Variants in SESTD1 observed in about 807,000 individuals in gnomAD.
SESTD1 encodes the protein SEC14 domain and spectrin repeat-containing protein 1.
Under a neutral mutation model 101.7 loss-of-function variants are expected in SESTD1, and 43 were observed. The ratio of observed to expected loss-of-function variants is 0.42; its 90% CI spans 0.33 to 0.55. The LOEUF is 0.55. Ranked by LOEUF, SESTD1 falls within the 20% of genes least tolerant of loss-of-function variation. The pLI, the probability that SESTD1 is intolerant of heterozygous loss-of-function variation, is 0.07. For synonymous variants in SESTD1, 283 were observed against 286.8 expected (o/e 0.99, Z 0.13); for missense variants, 647 against 815.1 (o/e 0.79, Z 2.51).
chr2:179,253,472 G>T (rs1425963578), intron 1 of SESTD1, among the ~76,000 whole-genome samples: 1 of 152,118 alleles, frequency 6.6e-6, no homozygotes, highest in Non-Finnish European at 1.5e-5. Flanking sequence ...GGTGTATATT[G>T]GGACGTTGTA....
At chr2:179,243,770 G>A (rs923929292) in intron 1 of SESTD1, among the ~76,000 whole-genome samples, 2 of 151,726 alleles carry the variant, frequency 1.3e-5, no homozygotes, top group African/African-American at 4.8e-5. Context: ...GAGGGTGGGT[G>A]GGGGCTAAGG....
In SESTD1 at chr2:179,172,019, T is replaced by C; in HGVS notation, c.369+101A>G. On this transcript the variant is annotated intron_variant, in intron 5 of 17. Coordinates refer to ENST00000428443, the MANE Select transcript of SESTD1 (RefSeq NM_178123.5). ...ACTTAGGCACTAATTAAGCATTCCTTAAGCACTGCTTAGTAACCAATGCTG... is the reference window on the plus strand; with the variant it reads ...ACTTAGGCACTAATTAAGCATTCCTCAAGCACTGCTTAGTAACCAATGCTG... 6.1e-6 allele frequency: 4 copies of C among 655,400 alleles called. No homozygotes were observed. In the East Asian group the frequency reaches 1.1e-4, roughly 18 times the overall value. The allele number at this position is 655,400 out of a possible 1,614,324, so 40.6% of individuals were successfully genotyped here. A position where few individuals can be genotyped will look rare whatever the true frequency, so the allele number is the denominator to read the frequency against.
intron 8 of SESTD1, among the ~76,000 whole-genome samples, chr2:179,145,016 A>G (rs1673253044): frequency 6.6e-6 from 1 of 152,142 alleles, no homozygotes; most frequent in Non-Finnish European, 1.5e-5. Flanking sequence ...CTCTAACAAA[A>G]TAAGCTGTAT....
At chr2:179,239,068 A>G (rs2047111256) in intron 1 of SESTD1, among the ~76,000 whole-genome samples, 1 of 152,214 alleles carries the variant, frequency 6.6e-6, no homozygotes, top group South Asian at 2.1e-4. Context: ...ATTATTTATT[A>G]TCTATATTTG....
At chr2:179,116,900 A>ACGGTGAAACCCCG in intron 14 of SESTD1, 110 bp from the exon 15 acceptor site, 13 of 1,395,674 alleles carry the variant, frequency 9.3e-6, no homozygotes, top group Non-Finnish European at 1.3e-5. Context: ...TCCGTTAATT[A>ACGGTGAAACCCCG]TAACCTAAAG....
intron 13 of SESTD1, among the ~76,000 whole-genome samples, chr2:179,120,432 T>TGAGA (rs1390153919): frequency 2.0e-5 from 3 of 152,016 alleles, no homozygotes; most frequent in African/African-American, 7.2e-5. Context: ...ATTCAAGTAG[T>TGAGA]GAGAATGTCC....
intron 1 of SESTD1, among the ~76,000 whole-genome samples, chr2:179,255,089 C>T (rs866789904): frequency 6.6e-6 from 1 of 152,174 alleles, no homozygotes; most frequent in Non-Finnish European, 1.5e-5. Flanking sequence ...CTGACTGCTC[C>T]GCTGACTGGG....
chr2:179,159,627 T>C (rs1315523575), intron 5 of SESTD1, among the ~76,000 whole-genome samples: 2 of 152,188 alleles, frequency 1.3e-5, no homozygotes, highest in Admixed American at 6.5e-5. Context: ...AATCCCAGAC[T>C]AGGTGATTTT....
At chr2:179,220,974 T>A (rs907485582) in intron 1 of SESTD1, among the ~76,000 whole-genome samples, 1 of 152,156 alleles carries the variant, frequency 6.6e-6, no homozygotes, top group African/African-American at 2.4e-5. Context: ...TAATTCCACA[T>A]AATTGGCATA....
intron 5 of SESTD1, among the ~76,000 whole-genome samples, chr2:179,169,152 C>G (rs2045887331): frequency 6.6e-6 from 1 of 151,986 alleles, no homozygotes; most frequent in African/African-American, 2.4e-5. Flanking sequence ...CATGAAAAGA[C>G]AGAGATTGTT....
intron 5 of SESTD1, among the ~76,000 whole-genome samples, chr2:179,160,460 A>G (rs2045713652): frequency 1.3e-5 from 2 of 151,614 alleles, no homozygotes; most frequent in Admixed American, 6.6e-5. Flanking sequence ...TGGCACAAAT[A>G]TATATAATTA....
At chr2:179,230,113 C>CTTTTTTTTTTTTTTTTTTTTTTTT (rs71023474) in intron 1 of SESTD1, among the ~76,000 whole-genome samples, 2 of 56,418 alleles carry the variant, frequency 3.5e-5, no homozygotes, top group Non-Finnish European at 6.7e-5. Flanking sequence ...GATTGTATCT[C>CTTTTTTTTTTTTTTTTTTTTTTTT]TTTTTTTTTT....
chr2:179,230,111 C>CTTTTTTTTTTTTT (rs1559153333), intron 1 of SESTD1, among the ~76,000 whole-genome samples: 4 of 80,358 alleles, frequency 5.0e-5, no homozygotes, highest in Non-Finnish European at 8.1e-5. Flanking sequence ...TGGATTGTAT[C>CTTTTTTTTTTTTT]TCTTTTTTTT....
chr2:179,198,011 T>C (rs1232368687), intron 1 of SESTD1, among the ~76,000 whole-genome samples: 4 of 152,126 alleles, frequency 2.6e-5, no homozygotes, highest in African/African-American at 4.8e-5. Context: ...AGACACACAA[T>C]GGCAAACTGG....
chr2:179,249,872 C>G (rs2047290405), intron 1 of SESTD1, among the ~76,000 whole-genome samples: 1 of 139,368 alleles, frequency 7.2e-6, no homozygotes, highest in Non-Finnish European at 1.5e-5. Flanking sequence ...GGTGGTAGAG[C>G]AACTGAATAT....
In SESTD1 at chr2:179,201,474, G is replaced by A. The variant is rs1207865189; in HGVS notation, c.-25-9608C>T. On this transcript the variant is annotated intron_variant, in intron 1 of 17. Transcript: ENST00000428443. ...TGCTGCTATAAAGACACATGCACAC[G>A]TATGTTTATTGTGGCATTATCCACA... 6.8e-5 allele frequency among the ~76,000 whole-genome samples: 9 copies of A among 132,532 alleles called. 2 individuals are homozygous for A. The highest frequency in any genetic ancestry group is 5.8e-4 in the South Asian group (2 of 3,442). 86.9% of individuals were successfully genotyped at this position (132,532 alleles called of 152,430 possible).
chr2:179,115,610 T>C (rs34728717), intron 15 of SESTD1, among the ~76,000 whole-genome samples: 31,218 of 151,832 alleles, frequency 0.21, 3,427 homozygotes, highest in South Asian at 0.3. Context: ...TAGTTGAGTT[T>C]GGCCACACTT....
intron 1 of SESTD1, among the ~76,000 whole-genome samples, chr2:179,218,864 T>C (rs11901421): frequency 0.092 from 14,006 of 152,248 alleles, 2,131 homozygotes; most frequent in African/African-American, 0.32. Flanking sequence ...ACCTAACAGA[T>C]TGACAGAAGT....
chr2:179,164,392 T>C (rs2045797757), intron 5 of SESTD1, among the ~76,000 whole-genome samples: 1 of 152,164 alleles, frequency 6.6e-6, no homozygotes. Context: ...AACACTTTAA[T>C]GAGTGACAAA....
Sources: gnomAD v4.1 joint callset for allele counts (sites outside exome capture counted in the v4.1 genomes callset) on GRCh38, gnomAD v4.1.1 for gene constraint, MANE v1.5 for transcripts, NCBI Gene and HGNC (gene_info 2026-07-23, HGNC 2026-07-21) for gene names.